EVC: variants seen among roughly 807,000 people sequenced by gnomAD.
EVC encodes the protein EvC ciliary complex subunit 1.
EVC carries 116 observed loss-of-function variants against 118.9 expected under a neutral mutation model. The ratio of observed to expected loss-of-function variants is 0.98; its 90% CI spans 0.84 to 1.14. The LOEUF (loss-of-function observed/expected upper bound fraction) is 1.14. Among genes scored for constraint, EVC ranks in the 50% most tolerant of loss-of-function variants. The probability of loss-of-function intolerance (pLI) is 0.00; values close to 1 mark genes in which losing one functional copy is unlikely to be tolerated. For synonymous variants in EVC, 619 were observed against 534.7 expected, an observed-to-expected ratio of 1.16 and a Z score of -2.18; for missense variants, 1,401 against 1,246.4, an observed-to-expected ratio of 1.12 and a Z score of -1.87.
chr4:5,801,250 T>TC (rs1714918722), intron 15 of EVC, among the ~76,000 whole-genome samples: 1 of 152,240 alleles, frequency 6.6e-6, no homozygotes, highest in Admixed American at 6.5e-5. Flanking sequence ...TTTCTGACCC[T>TC]GCATTCTTGC....
In EVC at chr4:5,743,371, T is replaced by C. The variant is rs1728896012; in HGVS notation, c.801+1557T>C. ...TCTCGTTACTACTATCACCAGCCTC[T>C]TATTCATCATCCCCTGCCATCATTT... is the stretch of plus-strand genomic sequence containing the variant. On this transcript the variant is annotated intron_variant, in intron 6 of 20. Coordinates refer to ENST00000264956, the MANE Select transcript of EVC (RefSeq NM_153717.3). The surrounding 1 kb of genome is among the most constrained non-coding windows in gnomAD (Gnocchi z 4.7). Among the ~76,000 whole-genome samples the C allele has an allele frequency of 6.6e-6, 1 of 152,190 alleles. No individual in the cohort carries two copies. Among genetic ancestry groups the C allele is most frequent in the African/African-American group, 2.4e-5 (1 of 41,452 alleles).
intron 11 of EVC, among the ~76,000 whole-genome samples, chr4:5,770,198 T>C (rs907465407): frequency 6.6e-6 from 1 of 152,014 alleles, no homozygotes; most frequent in Non-Finnish European, 1.5e-5. Context: ...CAGGCTTCAG[T>C]GTCCAGAGTT....
chr4:5,810,213 T>A, intron 19 of EVC, 126 bp from the exon 20 acceptor site: 1 of 758,152 alleles, frequency 1.3e-6, no homozygotes, highest in Admixed American at 2.0e-5. Context: ...TAGCATAAGA[T>A]ACCAAGCATA....
downstream of EVC, among the ~76,000 whole-genome samples, chr4:5,819,125 A>C: frequency 6.6e-6 from 1 of 152,188 alleles, no homozygotes; most frequent in East Asian, 1.9e-4. Flanking sequence ...GTCCTACCTT[A>C]TATTGTACAT....
In EVC at chr4:5,774,057, G is replaced by C. The variant is rs149810295; in HGVS notation, c.1564-9495G>C. Reference sequence around the variant, plus strand: ...CCTTGCCTTTCTTGAACCCCACCATGGTCCAGTTTGCCAGATCACTTGGCA... The same window carrying C: ...CCTTGCCTTTCTTGAACCCCACCATCGTCCAGTTTGCCAGATCACTTGGCA... On this transcript the variant is annotated intron_variant, in intron 11 of 20. Coordinates refer to ENST00000264956, the MANE Select transcript of EVC (RefSeq NM_153717.3). Among the ~76,000 whole-genome samples the C allele has an allele frequency of 1.5e-3, 225 of 151,982 alleles. 2 individuals carry two copies. The Middle Eastern group carries it at 0.027, about 18-fold the overall frequency.
chr4:5,827,937 G>T, the EVC span: 1 of 648,206 alleles, frequency 1.5e-6, no homozygotes, highest in Non-Finnish European at 1.9e-6. Context: ...TTTGACAGAT[G>T]TCCTGAGGTC....
chr4:5,779,650 G>A (rs1735281077), intron 11 of EVC, among the ~76,000 whole-genome samples: 1 of 97,080 alleles, frequency 1.0e-5, no homozygotes, highest in African/African-American at 5.4e-5. Context: ...TTTGTCTGTT[G>A]TTGGTGTATA....
chr4:5,828,483 A>G, the EVC span: 6 of 1,612,944 alleles, frequency 3.7e-6, no homozygotes, highest in African/African-American at 8.0e-5. Context: ...CTGCAGACAC[A>G]CTCACCTTAT....
At position 5,745,352 on chromosome 4, in the gene EVC, G is replaced by T. The variant is rs55955937; in HGVS notation, c.939+11G>T. ...CAGCTAATCGATAATGTGCGTGCCA[G>T]ACTTTCTTTCCTGTACACAAATTTT... On this transcript the variant is annotated intron_variant, in intron 7 of 20. Coordinates refer to ENST00000264956, the MANE Select transcript of EVC (RefSeq NM_153717.3). 7,686 of 1,612,094 alleles carry T rather than the reference G, an allele frequency of 4.8e-3. 296 individuals are homozygous for T. In the African/African-American group the frequency reaches 0.09, roughly 19 times the overall value.
chr4:5,762,005 A>C, intron 11 of EVC, among the ~76,000 whole-genome samples: 1 of 148,422 alleles, frequency 6.7e-6, no homozygotes. Context: ...GCACCCACTA[A>C]CTCGTCATCT....
chr4:5,748,535 CCCATCCATCCATCT>C (rs1404511350), intron 8 of EVC, among the ~76,000 whole-genome samples: 39 of 132,480 alleles, frequency 2.9e-4, no homozygotes, highest in African/African-American at 1.0e-3. Flanking sequence ...CATCCATCTA[CCCATCCATCCATCT>C]GCCCTCCCAC....
intron 11 of EVC, among the ~76,000 whole-genome samples, chr4:5,770,341 A>G (rs1212726737): frequency 6.6e-6 from 1 of 152,186 alleles, no homozygotes; most frequent in Non-Finnish European, 1.5e-5. Context: ...GTGTTAGCAT[A>G]GACTATCAAG....
At chr4:5,775,727 T>A (rs1252917943) in intron 11 of EVC, among the ~76,000 whole-genome samples, 1 of 152,202 alleles carries the variant, frequency 6.6e-6, no homozygotes, top group Non-Finnish European at 1.5e-5. Context: ...TATTACACAC[T>A]GGCTGACGTG....
At chr4:5,825,238 C>A in the EVC span, 76 of 985,320 alleles carry the variant, frequency 7.7e-5, no homozygotes, top group Admixed American at 1.2e-3. This position sits in a 1 kb window ranked among gnomAD's most constrained non-coding sequence, Gnocchi z 4.4. Context: ...AGCACTGGGA[C>A]AATTTTGGTA....
intron 17 of EVC, among the ~76,000 whole-genome samples, chr4:5,807,830 A>G (rs936230379): frequency 4.6e-5 from 7 of 152,166 alleles, no homozygotes; most frequent in African/African-American, 1.7e-4. Flanking sequence ...TTCTCATGAG[A>G]AGATGCCACC....
At chr4:5,804,680 A>T in intron 16 of EVC, 50 bp from the exon 17 acceptor site, 1 of 1,553,682 alleles carries the variant, frequency 6.4e-7, no homozygotes, top group South Asian at 1.1e-5. Flanking sequence ...GACCTGGCAC[A>T]GTGGATCCTC....
At chr4:5,822,377 G>A in the EVC span, among the ~76,000 whole-genome samples, 1 of 151,558 alleles carries the variant, frequency 6.6e-6, no homozygotes, top group Non-Finnish European at 1.5e-5. Flanking sequence ...CACTCCAAAG[G>A]TATTTTACAT....
At chr4:5,752,778 C>A in intron 8 of EVC, 58 bp from the exon 9 acceptor site, 1 of 1,562,328 alleles carries the variant, frequency 6.4e-7, no homozygotes, top group Non-Finnish European at 8.8e-7. Flanking sequence ...TGTTAATTAA[C>A]ATGCCCTGGT....
intron 5 of EVC, among the ~76,000 whole-genome samples, chr4:5,741,344 C>G (rs1188774082): frequency 6.6e-6 from 1 of 152,232 alleles, no homozygotes; most frequent in African/African-American, 2.4e-5. Flanking sequence ...TTCCATACAA[C>G]TATCCCGCTG....
Sources: gnomAD v4.1 joint callset for allele counts (sites outside exome capture counted in the v4.1 genomes callset) on GRCh38, gnomAD v4.1.1 for gene constraint, Gnocchi (gnomAD v3.1) non-coding constraint, MANE v1.5 for transcripts, NCBI Gene and HGNC (gene_info 2026-07-23, HGNC 2026-07-21) for gene names.